Variants in CACNB1 observed in about 807,000 individuals in gnomAD.
CACNB1 encodes the protein calcium voltage-gated channel auxiliary subunit beta 1, also known as voltage-dependent L-type calcium channel subunit beta-1.
Under a neutral mutation model 71.6 loss-of-function variants are expected in CACNB1, and 29 were observed. The ratio of observed to expected loss-of-function variants is 0.40; its 90% confidence interval spans 0.30 to 0.55. CACNB1 has a LOEUF of 0.55. Ranked by LOEUF, CACNB1 falls within the 20% of genes least tolerant of loss-of-function variation. CACNB1 has a pLI of 0.38. For missense variants in CACNB1, 623 were observed against 801.8 expected, an observed-to-expected ratio of 0.78 and a Z score of 2.69; for synonymous variants, 300 against 319.6, an observed-to-expected ratio of 0.94 and a Z score of 0.65.
At chr17:39,180,481 T>C (rs538330201) in intron 11 of CACNB1, among the ~76,000 whole-genome samples, 1 of 151,504 alleles carries the variant, frequency 6.6e-6, no homozygotes, top group South Asian at 2.1e-4. Context: ...ATGGTGAAAC[T>C]CTGTCTCTAC....
chr17:39,175,699 G>A lies in CACNB1; in HGVS notation c.1333-42C>T, dbSNP rs1329747219. 5.5e-6 allele frequency: 8 copies of A among 1,444,292 alleles called. No individual in the cohort carries two copies. The highest frequency in any genetic ancestry group is 7.5e-6 in the Non-Finnish European group (8 of 1,067,348). The allele number at this position is 1,444,292 out of a possible 1,614,324, so 89.5% of individuals were successfully genotyped here. A position where few individuals can be genotyped will look rare whatever the true frequency, so the allele number is the denominator to read the frequency against. ...CAGCACACACCATGCAGATCAGGCA[G>A]GGGTGAGAAAAACACAACAAAGCAA... On this transcript the variant is annotated intron_variant, in intron 13 of 13. Coordinates refer to ENST00000394303, the MANE Select transcript of CACNB1 (RefSeq NM_000723.5). This position sits in a 1 kb window ranked among gnomAD's most constrained non-coding sequence, Gnocchi z 4.7.
At chr17:39,187,667 T>G in intron 3 of CACNB1, 66 bp from the exon 4 acceptor site, 1 of 1,546,782 alleles carries the variant, frequency 6.5e-7, no homozygotes, top group Non-Finnish European at 8.9e-7. Flanking sequence ...TACAACTTCC[T>G]GACAGTAGTG....
At chr17:39,191,402 G>T in intron 3 of CACNB1, 72 bp downstream of exon 3, 1 of 1,472,530 alleles carries the variant, frequency 6.8e-7, no homozygotes, top group Non-Finnish European at 9.1e-7. Flanking sequence ...CCCTGGTTCT[G>T]TCTGGGCTCT....
Position 39,175,853 on chromosome 17 carries a change from C to G in CACNB1, c.1333-196G>C, listed in dbSNP as rs1424645605. On this transcript the variant is annotated intron_variant, in intron 13 of 13. Coordinates refer to ENST00000394303, the MANE Select transcript of CACNB1 (RefSeq NM_000723.5). This position sits in a 1 kb window ranked among gnomAD's most constrained non-coding sequence, Gnocchi z 4.7. ...CAGACCTCAGGGCATTTGCTCCTCTCTCGGGACAGGGGGCACCCGACCTTC... is the reference window on the plus strand; with the variant it reads ...CAGACCTCAGGGCATTTGCTCCTCTGTCGGGACAGGGGGCACCCGACCTTC... Among the ~76,000 whole-genome samples, 1 of 152,170 alleles carries G rather than the reference C, an allele frequency of 6.6e-6. No homozygotes were observed. Among genetic ancestry groups the G allele is most frequent in the African/African-American group, 2.4e-5 (1 of 41,432 alleles).
chr17:39,195,346 G>T, intron 1 of CACNB1: 1 of 186,922 alleles, frequency 5.3e-6, no homozygotes, highest in South Asian at 1.2e-4. Context: ...AGAGGCAGCC[G>T]GCAGTGCTGG....
In CACNB1 at chr17:39,184,288, C is replaced by A. The variant is rs1447464510; in HGVS notation, c.788+37G>T. The A allele has an allele frequency of 4.2e-6, 6 of 1,427,560 alleles. No homozygotes were observed. In the Admixed American group the frequency reaches 5.9e-5, roughly 14 times the overall value. The allele number at this position is 1,427,560 out of a possible 1,614,324, so 88.4% of individuals were successfully genotyped here. A position where few individuals can be genotyped will look rare whatever the true frequency, so the allele number is the denominator to read the frequency against. ...CCTGCCCATCCCCAGCAGCAGAGAG[C>A]AACGGCAGGTGCGAGGAGCAGCTCC... On this transcript the variant is annotated intron_variant, in intron 9 of 13. Transcript: ENST00000394303.
In CACNB1 at chr17:39,175,206, A is replaced by G; in HGVS notation, c.1784T>C (p.Val595Ala). 1.2e-6 allele frequency: 2 copies of G among 1,610,920 alleles called. No homozygotes were observed. Among genetic ancestry groups the G allele is most frequent in the Non-Finnish European group, 1.7e-6 (2 of 1,178,266 alleles). The change falls in exon 14 of 14, where the codon GTC becomes GCC. Residue 595 changes from valine to alanine, a missense_variant. Val to Ala is a moderately conservative substitution (Grantham distance 64, BLOSUM62 0). Coordinates refer to ENST00000394303, the MANE Select transcript of CACNB1 (RefSeq NM_000723.5). This position sits in a 1 kb window ranked among gnomAD's most constrained non-coding sequence, Gnocchi z 4.7. ...KNELEGWGRG[V>A]YIR ...GGCCCCTGCCTCTCAGCGAATGTAG[A>G]CGCCTCGTCCCCAGCCCTCCAGCTC...
chr17:39,194,736 T>G lies in CACNB1; in HGVS notation c.171+148A>C. The G allele has an allele frequency of 1.7e-6, 1 of 593,010 alleles. No individual in the cohort carries two copies. Among genetic ancestry groups the G allele is most frequent in the Non-Finnish European group, 3.0e-6 (1 of 335,406 alleles). The allele number at this position is 593,010 out of a possible 1,614,324, so 36.7% of individuals were successfully genotyped here. ...CCGCTGACAGCACATCCAGAAGAGG[T>G]CATGGGGTGTCAGGGTGATGGGGTG... is the stretch of plus-strand genomic sequence containing the variant. On this transcript the variant is annotated intron_variant, in intron 2 of 13. Coordinates refer to ENST00000394303, the MANE Select transcript of CACNB1 (RefSeq NM_000723.5). The surrounding 1 kb of genome is among the most constrained non-coding windows in gnomAD (Gnocchi z 4.6).
chr17:39,178,098 A>G lies in CACNB1; in HGVS notation c.1051-19T>C. ...GAAGTACCTGGTTTGGGGAGAGAGA[A>G]AAGGAAGAGGAGCTAGAGGGACTCA... is the stretch of plus-strand genomic sequence containing the variant. On this transcript the variant is annotated intron_variant, in intron 11 of 13. Coordinates refer to ENST00000394303, the MANE Select transcript of CACNB1 (RefSeq NM_000723.5). 10 of 1,596,094 alleles carry G rather than the reference A, an allele frequency of 6.3e-6. No individual in the cohort carries two copies. The highest frequency in any genetic ancestry group is 7.7e-6 in the Non-Finnish European group (9 of 1,163,670).
chr17:39,184,067 T>C lies in CACNB1; in HGVS notation c.862A>G (p.Ile288Val), dbSNP rs552500952. The C allele has an allele frequency of 2.9e-4, 471 of 1,613,202 alleles. 7 individuals are homozygous for C. In the South Asian group the frequency reaches 5.1e-3, roughly 17 times the overall value. ...RSVLNNPSKHIIIERSNTRSS... is the reference protein window; with the variant it reads ...RSVLNNPSKHVIIERSNTRSS... ...CGTGTGTTGGAGCGCTCAATGATGA[T>C]GTGTTTGCTGGGGTTGTTGAGAACT... The change falls in exon 10 of 14, where the codon ATC becomes GTC. Residue 288 changes from isoleucine to valine, a missense_variant. Ile to Val is a conservative substitution (Grantham distance 29). Transcript: ENST00000394303.
chr17:39,178,460 T>A (rs1165648390), intron 11 of CACNB1, among the ~76,000 whole-genome samples: 1 of 151,654 alleles, frequency 6.6e-6, no homozygotes, highest in African/African-American at 2.4e-5. Context: ...GTGAACATAG[T>A]TCACCTCTAC....
intron 8 of CACNB1, 70 bp downstream of exon 8, chr17:39,184,714 G>A (rs1211260165): frequency 1.8e-6 from 2 of 1,121,872 alleles, no homozygotes; most frequent in African/African-American, 1.5e-5. Context: ...GGCCCTTCTA[G>A]GGGATCTCTC....
At chr17:39,183,337 AAAG>A (rs35982951) in intron 11 of CACNB1, among the ~76,000 whole-genome samples, 34 of 130,250 alleles carry the variant, frequency 2.6e-4, no homozygotes, top group East Asian at 4.2e-4. Flanking sequence ...GACTTAAAAA[AAAG>A]AAGAAGAAGA....
At chr17:39,187,247 G>A (rs558155882) in intron 4 of CACNB1, 16 of 612,658 alleles carry the variant, frequency 2.6e-5, no homozygotes, top group East Asian at 2.2e-4. Context: ...CTGGCACACC[G>A]CCATGCCAGT....
At position 39,177,999 on chromosome 17, in the gene CACNB1, C is replaced by T. The variant is rs1362320372; in HGVS notation, c.1131G>A (p.Leu377=). Residue 377 remains leucine, a synonymous_variant, in exon 12 of 14, where the codon CTG becomes CTA. Coordinates refer to ENST00000394303, the MANE Select transcript of CACNB1 (RefSeq NM_000723.5). The stretch of plus-strand genomic sequence containing the variant: ...AGGCACTCACAGGGGGGCACTGTGC[C>T]AGCTTTTCCGAGGCCGCTATTTGGA... ...LNVQIAASEK[L]AQCPPEMFDI... is the part of the protein sequence containing the mutation. 1 of 1,613,824 alleles carries T rather than the reference C, an allele frequency of 6.2e-7. No homozygotes were observed.
At position 39,181,136 on chromosome 17, in the gene CACNB1, C is replaced by G. The variant is rs186494643; in HGVS notation, c.1050+2577G>C. ...TGAGACAGAGTCTTGCTCTGTCACC[C>G]AGGCTGGAGTGCAGTGATGCAATCT... On this transcript the variant is annotated intron_variant, in intron 11 of 13. Coordinates refer to ENST00000394303, the MANE Select transcript of CACNB1 (RefSeq NM_000723.5). 5.9e-5 allele frequency among the ~76,000 whole-genome samples: 9 copies of G among 152,214 alleles called. 1 individual carries two copies. The East Asian group carries it at 1.7e-3, about 29-fold the overall frequency.
In CACNB1 at chr17:39,184,042, C is replaced by T. The variant is rs376850728; in HGVS notation, c.887G>A (p.Arg296His). The T allele has an allele frequency of 1.9e-6, 3 of 1,611,330 alleles. No individual in the cohort carries two copies. The highest frequency in any genetic ancestry group is 2.2e-5 in the East Asian group (1 of 44,870). ...AGGAGTAGGCTCACCCAGGCTGGAG[C>T]GTGTGTTGGAGCGCTCAATGATGAT... ...KHIIIERSNT[R>H]SSLAEVQSEI... Residue 296 changes from arginine to histidine, a missense_variant, in exon 10 of 14, where the codon CGC (arginine) becomes CAC (histidine). Coordinates refer to ENST00000394303, the MANE Select transcript of CACNB1 (RefSeq NM_000723.5).
At chr17:39,185,888 T>A in intron 6 of CACNB1, 1 of 1,549,502 alleles carries the variant, frequency 6.5e-7, no homozygotes, top group Non-Finnish European at 8.8e-7. Context: ...ACAGCCCCCT[T>A]CCCTCCACCA....
In CACNB1 at chr17:39,183,337, AAAGAAGAAG is replaced by A. The variant is rs35982951; in HGVS notation, c.1050+367_1050+375del. Among the ~76,000 whole-genome samples, 131 of 130,296 alleles carry A rather than the reference AAAGAAGAAG, an allele frequency of 1.0e-3. 2 individuals are homozygous for A. Among genetic ancestry groups the A allele is most frequent in the Admixed American group, 4.0e-3 (54 of 13,356 alleles). 85.5% of individuals were successfully genotyped at this position (130,296 alleles called of 152,430 possible). A position where few individuals can be genotyped will look rare whatever the true frequency, so the allele number is the denominator to read the frequency against. On this transcript the variant is annotated intron_variant, in intron 11 of 13. Coordinates refer to ENST00000394303, the MANE Select transcript of CACNB1 (RefSeq NM_000723.5). ...ACAGAGCGAGATCCTGACTTAAAAA[AAAGAAGAAG>A]AAGAAGAAGAAGAAGAAGAAAGGAA...
Sources: allele counts gnomAD v4.1 joint callset (sites outside exome capture counted in the v4.1 genomes callset), GRCh38; gene constraint gnomAD v4.1.1; non-coding constraint Gnocchi (gnomAD v3.1); transcripts MANE v1.5; gene names NCBI Gene and HGNC (gene_info 2026-07-23, HGNC 2026-07-21).